Variants in ACACB observed in about 807,000 individuals in gnomAD.
The protein encoded by ACACB is acetyl-CoA carboxylase 2.
A neutral mutation model predicts 278.8 loss-of-function variants in ACACB; 209 were observed. That is an observed-to-expected ratio of 0.75 (90% confidence interval 0.67 to 0.84). The LOEUF (loss-of-function observed/expected upper bound fraction) is 0.84. Ranked by LOEUF, ACACB falls within the 40% of genes least tolerant of loss-of-function variation. The pLI is 0.00. For missense variants in ACACB, 2,850 were observed against 3,269.0 expected (o/e 0.87, Z 3.13); for synonymous variants, 1,174 against 1,285.6 (o/e 0.91, Z 1.86).
At chr12:109,262,268 C>T in intron 48 of ACACB, 89 bp from the exon 49 acceptor site, 1 of 1,002,602 alleles carries the variant, frequency 1.0e-6, no homozygotes, top group South Asian at 1.5e-5. Context: ...TCTTCTGGCT[C>T]TCTTCCCTCC....
chr12:109,120,174 G>T (rs2042510096), intron 1 of ACACB, among the ~76,000 whole-genome samples: 1 of 152,196 alleles, frequency 6.6e-6, no homozygotes, highest in Non-Finnish European at 1.5e-5. Flanking sequence ...ACAAAGTGAG[G>T]CTTTTGGAGC....
intron 28 of ACACB, among the ~76,000 whole-genome samples, chr12:109,228,648 A>G (rs367975463): frequency 3.9e-4 from 59 of 149,496 alleles, no homozygotes; most frequent in African/African-American, 1.4e-3. Flanking sequence ...GACAGAGCGA[A>G]ACTCTGTCTC....
rs145000590 is a variant in ACACB, at chr12:109,139,794, C to G, written c.389C>G (p.Thr130Ser). Residue 130 changes from threonine to serine, a missense_variant, in exon 2 of 53, where the codon ACC becomes AGC. Around this residue, in one of 3 missense-constraint regions of ACACB, gnomAD observed 2,265 missense variants for 2,561.3 expected, o/e 0.88. Coordinates refer to ENST00000338432, the MANE Select transcript of ACACB (RefSeq NM_001093.4). ...ACACAAGGTCTGGAGGCCACAGATA[C>G]CAATGGCCTGTCCTCCTCAGCCAGG... ...TGTQGLEATDTNGLSSSARPQ... is the reference protein window; with the variant it reads ...TGTQGLEATDSNGLSSSARPQ... 65 of 1,614,126 alleles carry G rather than the reference C, an allele frequency of 4.0e-5. No homozygotes were observed. In the African/African-American group the frequency reaches 8.0e-4, roughly 20 times the overall value.
At chr12:109,172,760 A>G (rs931952979) in intron 6 of ACACB, among the ~76,000 whole-genome samples, 1 of 152,246 alleles carries the variant, frequency 6.6e-6, no homozygotes, top group Non-Finnish European at 1.5e-5. Flanking sequence ...CAGTGAGGCA[A>G]TTCCTCAAAG....
chr12:109,126,504 A>C (rs2135959832), intron 1 of ACACB, among the ~76,000 whole-genome samples: 1 of 152,082 alleles, frequency 6.6e-6, no homozygotes, highest in East Asian at 1.9e-4. Flanking sequence ...GCAACACAGA[A>C]AGACCCTATC....
rs1358635617 is a variant in ACACB at position 109,222,540 on chromosome 12, G to T, written c.3598G>T (p.Asp1200Tyr). Residue 1200 changes from aspartate to tyrosine, a missense_variant, in exon 25 of 53, where the codon GAC becomes TAC. Coordinates refer to ENST00000338432, the MANE Select transcript of ACACB (RefSeq NM_001093.4). Reference sequence around the variant, plus strand: ...GTGTGGCCCAGACCCTTCCCTGTCGGACGAGCTGATCTCCATCCTCAACGA... The same window carrying T: ...GTGTGGCCCAGACCCTTCCCTGTCGTACGAGCTGATCTCCATCCTCAACGA... ...ELCGPDPSLS[D>Y]ELISILNELT... 2.5e-6 allele frequency: 4 copies of T among 1,614,036 alleles called. No individual in the cohort carries two copies. The East Asian group carries it at 8.9e-5, about 36-fold the overall frequency.
intron 7 of ACACB, among the ~76,000 whole-genome samples, chr12:109,175,711 G>C (rs1193707256): frequency 6.6e-6 from 1 of 152,162 alleles, no homozygotes; most frequent in Admixed American, 6.6e-5. Flanking sequence ...GAGCCACCAC[G>C]CCTGGCAGTT....
At chr12:109,223,230 G>T (rs1036226294) in intron 26 of ACACB, among the ~76,000 whole-genome samples, 1 of 152,070 alleles carries the variant, frequency 6.6e-6, no homozygotes, top group African/African-American at 2.4e-5. Context: ...GCTGAGTCGC[G>T]GCCTCATCTT....
chr12:109,197,965 A>T (rs1470172679), intron 17 of ACACB, among the ~76,000 whole-genome samples: 1 of 151,674 alleles, frequency 6.6e-6, no homozygotes, highest in East Asian at 1.9e-4. Context: ...CACCATCATG[A>T]CTCACTGCAG....
chr12:109,156,265 C>T (rs1210199215), intron 2 of ACACB, among the ~76,000 whole-genome samples: 1 of 151,206 alleles, frequency 6.6e-6, no homozygotes, highest in Non-Finnish European at 1.5e-5. Context: ...TGTGGTGGCT[C>T]ATGCCTGTAA....
Position 109,203,538 on chromosome 12 carries a change from A to G in ACACB, c.2913+1837A>G, listed in dbSNP as rs140380459. 3.9e-3 allele frequency among the ~76,000 whole-genome samples: 601 copies of G among 152,328 alleles called. 2 individuals are homozygous for G. Among genetic ancestry groups the G allele is most frequent in the African/African-American group, 0.014 (572 of 41,558 alleles). On this transcript the variant is annotated intron_variant, in intron 19 of 52. Coordinates refer to ENST00000338432, the MANE Select transcript of ACACB (RefSeq NM_001093.4). ...AGGAGACTGGAAACACCGTGAGAACAGGGCCTTTTGGCTTTCTTGCTCGCT... is the reference window on the plus strand; with the variant it reads ...AGGAGACTGGAAACACCGTGAGAACGGGGCCTTTTGGCTTTCTTGCTCGCT...
In ACACB at chr12:109,201,620, C is replaced by T. The variant is rs768610469; in HGVS notation, c.2832C>T (p.Tyr944=). The change falls in exon 19 of 53, where the codon TAC becomes TAT. Residue 944 remains tyrosine, a synonymous_variant. Transcript: ENST00000338432. ...LNVQERGRVK[Y]IKRPGAVLEA... is the part of the protein sequence containing the mutation. Reference sequence around the variant, plus strand: ...TTCAGGAAAGAGGCCGGGTGAAGTACATCAAGCGTCCAGGTGCCGTGCTGG... The same window carrying T: ...TTCAGGAAAGAGGCCGGGTGAAGTATATCAAGCGTCCAGGTGCCGTGCTGG... The T allele has an allele frequency of 5.0e-6, 8 of 1,614,180 alleles. No homozygotes were observed. The highest frequency in any genetic ancestry group is 6.8e-6 in the Non-Finnish European group (8 of 1,180,038).
intron 9 of ACACB, among the ~76,000 whole-genome samples, 178 bp from the exon 10 acceptor site, chr12:109,178,910 G>A (rs1431575178): frequency 6.6e-6 from 1 of 152,196 alleles, no homozygotes; most frequent in Non-Finnish European, 1.5e-5. Context: ...TTACTGTGGA[G>A]TCGGGACTCC....
chr12:109,243,017 G>A (rs1835331718), intron 37 of ACACB, among the ~76,000 whole-genome samples: 1 of 152,140 alleles, frequency 6.6e-6, no homozygotes, highest in African/African-American at 2.4e-5. Flanking sequence ...AATGTGTTGA[G>A]AACGACTTCA....
chr12:109,166,649 C>CAAAAAAAA (rs869303420), intron 2 of ACACB, among the ~76,000 whole-genome samples: 1,307 of 25,074 alleles, frequency 0.052, 435 homozygotes, highest in Middle Eastern at 0.083. Context: ...GATCCCGTCT[C>CAAAAAAAA]AAAAAAAAAA....
chr12:109,161,501 C>T (rs955070331), intron 2 of ACACB, among the ~76,000 whole-genome samples: 5 of 152,054 alleles, frequency 3.3e-5, no homozygotes, highest in African/African-American at 1.2e-4. Context: ...CGAGATTATG[C>T]CACTGCTCTC....
chr12:109,181,840 C>CTTTTTTTTTTTTTTTTTTTTTTTT (rs34174568), intron 11 of ACACB, among the ~76,000 whole-genome samples: 2 of 81,550 alleles, frequency 2.5e-5, no homozygotes, highest in African/African-American at 5.1e-5. Context: ...TTTTCCTTTC[C>CTTTTTTTTTTTTTTTTTTTTTTTT]TTTTTTTTTT....
chr12:109,215,211 A>C (rs1385049543), intron 22 of ACACB, among the ~76,000 whole-genome samples: 3 of 151,890 alleles, frequency 2.0e-5, no homozygotes, highest in Admixed American at 2.0e-4. Flanking sequence ...TAATTGAAAA[A>C]TTTTGTTTTT....
chr12:109,132,145 C>T (rs11065640), intron 1 of ACACB, among the ~76,000 whole-genome samples: 21,822 of 151,362 alleles, frequency 0.14, 1,885 homozygotes, highest in South Asian at 0.23. Context: ...GTGACAATGA[C>T]AATAATAACA....
Sources: gnomAD v4.1 joint callset for allele counts (sites outside exome capture counted in the v4.1 genomes callset) on GRCh38, gnomAD v4.1.1 for gene constraint, gnomAD v4.1.1 regional missense constraint, MANE v1.5 for transcripts, NCBI Gene and HGNC (gene_info 2026-07-23, HGNC 2026-07-21) for gene names.